ULK4: variants seen among roughly 807,000 people sequenced by gnomAD.
The protein encoded by ULK4 is inactive serine/threonine-protein kinase ULK4.
Under a neutral mutation model 160.6 loss-of-function variants are expected in ULK4, and 133 were observed. That is an observed-to-expected ratio of 0.83 (90% CI 0.72 to 0.96). The LOEUF (loss-of-function observed/expected upper bound fraction) is 0.96. Among genes scored for constraint, ULK4 ranks in the 40% least tolerant of loss-of-function variants. The probability of loss-of-function intolerance (pLI) is 0.00; values close to 1 mark genes in which losing one functional copy is unlikely to be tolerated. For missense variants in ULK4, 1,580 were observed against 1,499.5 expected (o/e 1.05, Z -0.89); for synonymous variants, 534 against 539.8 (o/e 0.99, Z 0.15).
In ULK4 at chr3:41,561,474, G is replaced by T. The variant is rs528172029; in HGVS notation, c.3226+4551C>A. ...CTCTTTGTACCTCTGGTAGAATTCA[G>T]CTGTGAATTCATCTTGTCCTGGACT... On this transcript the variant is annotated intron_variant, in intron 32 of 36. Coordinates refer to ENST00000301831, the MANE Select transcript of ULK4 (RefSeq NM_017886.4). Among the ~76,000 whole-genome samples the T allele has an allele frequency of 6.6e-5, 10 of 152,278 alleles. No individual in the cohort carries two copies. In the South Asian group the frequency reaches 1.9e-3, roughly 28 times the overall value.
intron 34 of ULK4, among the ~76,000 whole-genome samples, chr3:41,450,637 A>AT (rs2125866623): frequency 2.0e-5 from 3 of 152,304 alleles, no homozygotes; most frequent in African/African-American, 7.2e-5. Context: ...AAGTGTGTTT[A>AT]TTTTTCCCTA....
chr3:41,335,199 C>T (rs770934728), intron 35 of ULK4, among the ~76,000 whole-genome samples: 2 of 152,036 alleles, frequency 1.3e-5, no homozygotes, highest in African/African-American at 2.4e-5. Flanking sequence ...ATTAAGTATC[C>T]TCATTAACAG....
intron 30 of ULK4, among the ~76,000 whole-genome samples, chr3:41,634,245 C>A (rs953252838): frequency 1.3e-5 from 2 of 152,132 alleles, no homozygotes; most frequent in African/African-American, 2.4e-5. Context: ...TTTTGCCTGA[C>A]CCATGTCCAG....
At chr3:41,828,219 T>C (rs1374555518) in intron 18 of ULK4, among the ~76,000 whole-genome samples, 1 of 143,186 alleles carries the variant, frequency 7.0e-6, no homozygotes, top group Non-Finnish European at 1.5e-5. Context: ...ACTGGAAACA[T>C]TCCCTTTGAA....
chr3:41,517,152 C>A (rs1575342948), intron 32 of ULK4, among the ~76,000 whole-genome samples: 1 of 152,132 alleles, frequency 6.6e-6, no homozygotes, highest in Non-Finnish European at 1.5e-5. Context: ...TAGGGAATTA[C>A]AAATTAAAAG....
At chr3:41,626,529 C>CA (rs1553622312) in intron 30 of ULK4, among the ~76,000 whole-genome samples, 1 of 135,030 alleles carries the variant, frequency 7.4e-6, no homozygotes, top group Admixed American at 7.5e-5. Flanking sequence ...AAGTACATTG[C>CA]TTTTTTTTTT....
chr3:41,873,559 GTTT>G lies in ULK4; in HGVS notation c.1656+10312_1656+10314del, dbSNP rs563213884. On this transcript the variant is annotated intron_variant, in intron 17 of 36. Transcript: ENST00000301831. Reference sequence around the variant, plus strand: ...GGTTTGTTTGTTTTGTGTTTGTTTTGTTTTTTGTTTTCGAGATGGAGTCTCACT... The same window carrying G: ...GGTTTGTTTGTTTTGTGTTTGTTTTGTTTGTTTTCGAGATGGAGTCTCACT... Among the ~76,000 whole-genome samples the G allele has an allele frequency of 3.9e-4, 60 of 151,932 alleles. 1 individual carries two copies. In the East Asian group the frequency reaches 0.011, roughly 29 times the overall value.
intron 21 of ULK4, among the ~76,000 whole-genome samples, chr3:41,774,195 T>C (rs1317641991): frequency 2.0e-5 from 3 of 151,800 alleles, no homozygotes; most frequent in Admixed American, 6.6e-5. Flanking sequence ...CCAAAAGCAA[T>C]GGCAACAAAA....
chr3:41,666,448 G>C (rs541585000), intron 29 of ULK4, among the ~76,000 whole-genome samples: 2 of 152,138 alleles, frequency 1.3e-5, no homozygotes, highest in Non-Finnish European at 2.9e-5. Context: ...ACCCTTTATA[G>C]CATACATCCC....
chr3:41,721,358 A>ATT (rs1412977001), intron 22 of ULK4, among the ~76,000 whole-genome samples: 24 of 61,258 alleles, frequency 3.9e-4, no homozygotes, highest in African/African-American at 2.2e-3. Context: ...ATATATATAT[A>ATT]TATATTTTTT....
chr3:41,506,790 A>G (rs1448378363), intron 32 of ULK4, among the ~76,000 whole-genome samples: 2 of 103,162 alleles, frequency 1.9e-5, no homozygotes, highest in Admixed American at 1.0e-4. Flanking sequence ...ATATATATAT[A>G]TATATATATA....
intron 32 of ULK4, among the ~76,000 whole-genome samples, chr3:41,536,786 T>C (rs1575376835): frequency 6.6e-6 from 1 of 151,942 alleles, no homozygotes; most frequent in African/African-American, 2.4e-5. Context: ...GCTGACAAGG[T>C]GGAAGAGGTG....
intron 2 of ULK4, among the ~76,000 whole-genome samples, chr3:41,949,623 G>A (rs947667779): frequency 6.6e-6 from 1 of 151,604 alleles, no homozygotes; most frequent in African/African-American, 2.4e-5. Flanking sequence ...AGTAGAGACA[G>A]GGTTTCACCA....
chr3:41,599,566 T>C (rs893964816), intron 31 of ULK4, among the ~76,000 whole-genome samples: 1 of 59,426 alleles, frequency 1.7e-5, no homozygotes, highest in African/African-American at 8.7e-5. Context: ...TTTCTTTTTC[T>C]TTTTTTTTTT....
At chr3:41,666,697 C>T (rs1173371706) in intron 29 of ULK4, among the ~76,000 whole-genome samples, 3 of 152,126 alleles carry the variant, frequency 2.0e-5, no homozygotes, top group Non-Finnish European at 2.9e-5. Flanking sequence ...TATAAAGCTT[C>T]CCAAGTGACT....
chr3:41,463,114 G>A lies in ULK4; in HGVS notation c.3366C>T (p.Thr1122=), dbSNP rs1432391249. Reference sequence around the variant, plus strand: ...GCAAAGCCAGCCGTACAATACCGGAGGTATAGGTCAGCATGCTGTGCAAAA... The same window carrying A: ...GCAAAGCCAGCCGTACAATACCGGAAGTATAGGTCAGCATGCTGTGCAAAA... ...LDILHSMLTY[T]SGIVRLALQA... is the part of the protein sequence containing the mutation. The change falls in exon 33 of 37, where the codon ACC becomes ACT. Residue 1122 remains threonine (T), a synonymous_variant. Coordinates refer to ENST00000301831, the MANE Select transcript of ULK4 (RefSeq NM_017886.4). 10 of 1,613,556 alleles carry A rather than the reference G, an allele frequency of 6.2e-6. No homozygotes were observed. Among genetic ancestry groups the A allele is most frequent in the African/African-American group, 1.3e-5 (1 of 74,884 alleles).
intron 34 of ULK4, among the ~76,000 whole-genome samples, chr3:41,445,945 A>G (rs2083286782): frequency 6.6e-6 from 1 of 151,872 alleles, no homozygotes; most frequent in Admixed American, 6.6e-5. Flanking sequence ...GCAACCTACA[A>G]AATGGGAGAA....
At chr3:41,698,732 T>G (rs1313407977) in intron 27 of ULK4, among the ~76,000 whole-genome samples, 1 of 152,192 alleles carries the variant, frequency 6.6e-6, no homozygotes, top group Non-Finnish European at 1.5e-5. Context: ...ACAATTCAGA[T>G]AATTTTCACA....
chr3:41,436,743 C>T (rs1190405931), intron 34 of ULK4, among the ~76,000 whole-genome samples: 1 of 152,154 alleles, frequency 6.6e-6, no homozygotes, highest in East Asian at 1.9e-4. Context: ...AGGAAGCAGA[C>T]TCAAGGGCTG....
Sources: allele counts gnomAD v4.1 joint callset (sites outside exome capture counted in the v4.1 genomes callset), GRCh38; gene constraint gnomAD v4.1.1; transcripts MANE v1.5; gene names NCBI Gene and HGNC (gene_info 2026-07-23, HGNC 2026-07-21).